Variants in BTN2A1 observed in about 807,000 individuals in gnomAD.
The protein encoded by BTN2A1 is butyrophilin subfamily 2 member A1.
In BTN2A1, 41 loss-of-function variants were observed where a neutral mutation model predicts 34.5. The observed-to-expected ratio is 1.19, with a 90% CI of 0.93 to 1.54. The LOEUF (loss-of-function observed/expected upper bound fraction) is 1.54, where lower values mean the gene tolerates loss of function less well. BTN2A1 is among the 40% of genes most tolerant of loss of function. The pLI, the probability that BTN2A1 is intolerant of heterozygous loss-of-function variation, is 0.00. For missense variants in BTN2A1, 642 were observed against 662.0 expected, an observed-to-expected ratio of 0.97 and a Z score of 0.33; for synonymous variants, 267 against 258.6, an observed-to-expected ratio of 1.03 and a Z score of -0.31.
chr6:26,476,120 A>AG lies in BTN2A1; in HGVS notation c.984dup. The AG allele has an allele frequency of 6.5e-7, 1 of 1,535,924 alleles. No individual in the cohort carries two copies. Among genetic ancestry groups the AG allele is most frequent in the Non-Finnish European group, 8.7e-7 (1 of 1,146,660 alleles). Reference sequence around the variant, plus strand: ...TCTCCTATGTCTCCTTTTGAGTTGTAGGGCCAGTTTGAAGCTTTATATATC... The same window carrying AG: ...TCTCCTATGTCTCCTTTTGAGTTGTAGGGGCCAGTTTGAAGCTTTATATATC... On this transcript the variant is annotated splice_acceptor_variant, in intron 7 of 7. Coordinates refer to the BTN2A1 transcript ENST00000469185. LOFTEE classifies it high-confidence loss of function.
chr6:26,459,942 C>CCACAGGGAGATTCCACGGGGA, intron 3 of BTN2A1, 114 bp downstream of exon 3: 1 of 961,422 alleles, frequency 1.0e-6, no homozygotes, highest in South Asian at 1.7e-5. Flanking sequence ...ACTCCCTTTT[C>CCACAGGGAGATTCCACGGGGA]CACTCTCCCT....
downstream of BTN2A1, among the ~76,000 whole-genome samples, chr6:26,473,018 A>G (rs1763477803): frequency 1.3e-5 from 2 of 152,224 alleles, no homozygotes; most frequent in Admixed American, 1.3e-4. Context: ...GGGTATATGG[A>G]AAGTAGTTGA....
chr6:26,473,680 A>T (rs1763488111), downstream of BTN2A1, among the ~76,000 whole-genome samples: 1 of 152,180 alleles, frequency 6.6e-6, no homozygotes, highest in African/African-American at 2.4e-5. Context: ...CTCTTCTTAA[A>T]ATCTTTTCAT....
intron 4 of BTN2A1, among the ~76,000 whole-genome samples, chr6:26,464,585 A>C (rs865899164): frequency 2.0e-5 from 3 of 152,166 alleles, no homozygotes; most frequent in African/African-American, 7.2e-5. Flanking sequence ...GGAAGAGCAT[A>C]TGCAAAGGGC....
chr6:26,468,082 C>T lies in BTN2A1; in HGVS notation c.1117C>T (p.Pro373Ser). The T allele has an allele frequency of 6.2e-7, 1 of 1,614,192 alleles. No individual in the cohort carries two copies. Among genetic ancestry groups the T allele is most frequent in the Non-Finnish European group, 8.5e-7 (1 of 1,180,040 alleles). The change falls in exon 8 of 8, where the codon CCT becomes TCT. Residue 373 changes from proline (P) to serine (S), a missense_variant. Coordinates refer to ENST00000312541, the MANE Select transcript of BTN2A1 (RefSeq NM_007049.5). ...PDNPERFDSQ[P>S]CVLGRESFAS... ...CAACCCAGAGAGATTCGACAGTCAGCCTTGTGTCCTAGGCCGGGAGAGCTT... is the reference window on the plus strand; with the variant it reads ...CAACCCAGAGAGATTCGACAGTCAGTCTTGTGTCCTAGGCCGGGAGAGCTT...
rs557415370 is a variant in BTN2A1 at position 26,461,406 on chromosome 6, G to A, written c.430+1578G>A. 7.2e-5 allele frequency among the ~76,000 whole-genome samples: 11 copies of A among 152,268 alleles called. No homozygotes were observed. The East Asian group carries it at 1.9e-3, about 27-fold the overall frequency. On this transcript the variant is annotated intron_variant, in intron 3 of 7. Transcript: ENST00000312541. ...CTCATAGAATGTTTTGAAGAATTTC[G>A]TTTTCCAATTTGCTGAGTTATTTTA...
intron 7 of BTN2A1, among the ~76,000 whole-genome samples, chr6:26,474,667 G>T (rs1763507860): frequency 6.6e-6 from 1 of 152,036 alleles, no homozygotes. Flanking sequence ...AAGAGGCTGA[G>T]ATTTGGCTGA....
chr6:26,465,111 G>C lies in BTN2A1; in HGVS notation c.713-74G>C, dbSNP rs1266221510. 17 of 1,284,824 alleles carry C rather than the reference G, an allele frequency of 1.3e-5. No homozygotes were observed. The South Asian group carries it at 1.4e-4, about 10-fold the overall frequency. 79.6% of individuals were successfully genotyped at this position (1,284,824 alleles called of 1,614,324 possible). A position where few individuals can be genotyped will look rare whatever the true frequency, so the allele number is the denominator to read the frequency against. ...AGCAGGTGGCTGAGGAGCTCTTCAA[G>C]TGTGCTCCTAGGGGCACTCTTACCC... On this transcript the variant is annotated intron_variant, in intron 4 of 7. Transcript: ENST00000312541.
At chr6:26,470,687 T>C (rs1020016090), downstream of BTN2A1, among the ~76,000 whole-genome samples, 1 of 152,152 alleles carries the variant, frequency 6.6e-6, no homozygotes, top group African/African-American at 2.4e-5. Flanking sequence ...TCTCTCTGTC[T>C]CTCTGGAACA....
chr6:26,467,204 C>T (rs1763338377), intron 7 of BTN2A1, among the ~76,000 whole-genome samples: 2 of 152,264 alleles, frequency 1.3e-5, no homozygotes, highest in South Asian at 4.1e-4. Context: ...TTAGTTGATC[C>T]ACCGGGGAGA....
chr6:26,465,318 A>G lies in BTN2A1; in HGVS notation c.846A>G (p.Glu282=), dbSNP rs761275728. 1.2e-6 allele frequency: 2 copies of G among 1,614,196 alleles called. No individual in the cohort carries two copies. The highest frequency in any genetic ancestry group is 1.7e-6 in the Non-Finnish European group (2 of 1,180,032). Residue 282 remains glutamate, a synonymous_variant, in exon 5 of 8, where the codon GAA becomes GAG. Coordinates refer to ENST00000312541, the MANE Select transcript of BTN2A1 (RefSeq NM_007049.5). ...AGGAAAAAAAGATTCTGTCAGGGGAAAAGGAGTTTGAACGGGAAACAAGAG... is the reference window on the plus strand; with the variant it reads ...AGGAAAAAAAGATTCTGTCAGGGGAGAAGGAGTTTGAACGGGAAACAAGAG... ...LQKEKKILSG[E]KEFERETREI...
chr6:26,466,180 G>A, intron 7 of BTN2A1, 92 bp downstream of exon 7: 2 of 1,595,314 alleles, frequency 1.3e-6, no homozygotes, highest in East Asian at 2.2e-5. Flanking sequence ...GGGGCCCAGG[G>A]CAAGGTGGGG....
chr6:26,466,203 G>T (rs564561075), intron 7 of BTN2A1, 115 bp downstream of exon 7: 28 of 1,508,712 alleles, frequency 1.9e-5, no homozygotes, highest in South Asian at 5.6e-5. Flanking sequence ...AGCAGGGAAC[G>T]GGGGTCAGTT....
downstream of BTN2A1, among the ~76,000 whole-genome samples, chr6:26,474,453 T>C (rs147849363): frequency 5.9e-5 from 9 of 152,346 alleles, no homozygotes; most frequent in East Asian, 1.7e-3. Context: ...TTGTCTAAAG[T>C]TTTTATTAAC....
intron 7 of BTN2A1, among the ~76,000 whole-genome samples, chr6:26,475,460 A>G (rs918806418): frequency 2.6e-5 from 4 of 152,208 alleles, no homozygotes; most frequent in African/African-American, 9.6e-5. Flanking sequence ...CCAAGTATGT[A>G]TATATGAATA....
At chr6:26,458,764 A>G (rs1246985923) in intron 2 of BTN2A1, 46 bp downstream of exon 2, 1 of 1,598,856 alleles carries the variant, frequency 6.3e-7, no homozygotes, top group African/African-American at 1.3e-5. Context: ...AGAAAGGAAC[A>G]TCAACCCTGT....
Position 26,465,720 on chromosome 6 carries a change from AT to A in BTN2A1, c.935-231del, listed in dbSNP as rs58434486. 0.034 allele frequency: 24,771 copies of A among 720,284 alleles called. 3,286 individuals carry two copies. The African/African-American group carries it at 0.35, about 10-fold the overall frequency. 44.6% of individuals were successfully genotyped at this position (720,284 alleles called of 1,614,324 possible). Reference sequence around the variant, plus strand: ...CTTTCACTCTGCCCACCTTGCATTCATTCATCTGGCTACATAAAGTACTAAA... The same window carrying A: ...CTTTCACTCTGCCCACCTTGCATTCATCATCTGGCTACATAAAGTACTAAA... On this transcript the variant is annotated intron_variant, in intron 5 of 7. Transcript: ENST00000312541.
In BTN2A1 at chr6:26,468,059, A is replaced by G. The variant is rs948290465; in HGVS notation, c.1094A>G (p.Asn365Ser). ...CACCTAGGGGAGAGCGTGCCTGACAACCCAGAGAGATTCGACAGTCAGCCT... is the reference window on the plus strand; with the variant it reads ...CACCTAGGGGAGAGCGTGCCTGACAGCCCAGAGAGATTCGACAGTCAGCCT... Reference protein sequence around the residue: ...FRHLGESVPDNPERFDSQPCV... With the variant: ...FRHLGESVPDSPERFDSQPCV... Residue 365 changes from asparagine to serine, a missense_variant, in exon 8 of 8, where the codon AAC (asparagine) becomes AGC (serine). By Grantham distance (46) the Asn-to-Ser change is conservative (BLOSUM62 1). Coordinates refer to ENST00000312541, the MANE Select transcript of BTN2A1 (RefSeq NM_007049.5). 1.2e-6 allele frequency: 2 copies of G among 1,614,058 alleles called. No homozygotes were observed. The highest frequency in any genetic ancestry group is 1.3e-5 in the African/African-American group (1 of 74,924).
intron 7 of BTN2A1, among the ~76,000 whole-genome samples, chr6:26,475,699 A>G (rs1389958202): frequency 6.6e-6 from 1 of 152,200 alleles, no homozygotes; most frequent in Non-Finnish European, 1.5e-5. Flanking sequence ...CTTGAGCCCA[A>G]AAGTTCAAGA....
Sources: gnomAD v4.1 joint callset for allele counts (sites outside exome capture counted in the v4.1 genomes callset) on GRCh38, gnomAD v4.1.1 for gene constraint, MANE v1.5 for transcripts, NCBI Gene and HGNC (gene_info 2026-07-23, HGNC 2026-07-21) for gene names.